Variants in CFDP1 observed in about 807,000 individuals in gnomAD.
CFDP1 encodes heterochromatin-stabilizing protein CFDP1.
CFDP1 carries 31 observed loss-of-function variants against 40.1 expected under a neutral mutation model. That is an observed-to-expected ratio of 0.77 (90% CI 0.58 to 1.04). The LOEUF (loss-of-function observed/expected upper bound fraction) is 1.04. Among genes scored for constraint, CFDP1 ranks in the 50% least tolerant of loss-of-function variants. The pLI is 0.00. For missense variants in CFDP1, 423 were observed against 343.4 expected, an observed-to-expected ratio of 1.23 and a Z score of -1.83; for synonymous variants, 167 against 120.0, an observed-to-expected ratio of 1.39 and a Z score of -2.56.
intron 5 of CFDP1, among the ~76,000 whole-genome samples, chr16:75,371,464 TA>T (rs1245591657): frequency 6.6e-6 from 1 of 152,200 alleles, no homozygotes; most frequent in South Asian, 2.1e-4. Flanking sequence ...GGGGCGAGGT[TA>T]AAAAAACTGA....
At chr16:75,359,330 G>A (rs540608855) in intron 5 of CFDP1, among the ~76,000 whole-genome samples, 52 of 152,282 alleles carry the variant, frequency 3.4e-4, no homozygotes, top group African/African-American at 1.2e-3. Context: ...CTGAGTCAGA[G>A]TAACATGCAC....
chr16:75,412,034 G>C, intron 3 of CFDP1, 82 bp from the exon 4 acceptor site: 4 of 1,397,902 alleles, frequency 2.9e-6, no homozygotes, highest in Non-Finnish European at 3.8e-6. Context: ...TTTTTTCTTT[G>C]AGATAGCGTC....
At chr16:75,418,377 C>T (rs1181003411) in intron 1 of CFDP1, among the ~76,000 whole-genome samples, 1 of 143,088 alleles carries the variant, frequency 7.0e-6, no homozygotes, top group East Asian at 2.4e-4. Flanking sequence ...ACGATCTCGG[C>T]TCACTGCAAG....
At chr16:75,397,045 C>T (rs1271166233) in intron 4 of CFDP1, among the ~76,000 whole-genome samples, 2 of 152,054 alleles carry the variant, frequency 1.3e-5, no homozygotes, top group Non-Finnish European at 2.9e-5. Context: ...TCCCAAGCAG[C>T]TGGGACTACG....
chr16:75,427,100 A>C (rs570384829), intron 1 of CFDP1, among the ~76,000 whole-genome samples: 1 of 152,034 alleles, frequency 6.6e-6, no homozygotes, highest in Admixed American at 6.6e-5. Context: ...TATCCAGAAT[A>C]TATAATTCCA....
intron 4 of CFDP1, among the ~76,000 whole-genome samples, chr16:75,411,105 C>T (rs1335184695): frequency 1.3e-5 from 2 of 151,978 alleles, no homozygotes; most frequent in Non-Finnish European, 2.9e-5. Flanking sequence ...GCAATCCCAT[C>T]TACTTGGGAG....
chr16:75,322,425 T>C (rs1460569821), intron 5 of CFDP1, among the ~76,000 whole-genome samples: 2 of 152,130 alleles, frequency 1.3e-5, no homozygotes, highest in African/African-American at 4.8e-5. Context: ...CATCACAGAG[T>C]GTACTTACAC....
chr16:75,293,794 C>T lies in CFDP1; in HGVS notation c.*158G>A. 6.7e-6 allele frequency: 4 copies of T among 597,080 alleles called. No homozygotes were observed. Among genetic ancestry groups the T allele is most frequent in the Non-Finnish European group, 1.2e-5 (4 of 342,720 alleles). The allele number at this position is 597,080 out of a possible 1,614,324, so 37.0% of individuals were successfully genotyped here. Reference sequence around the variant, plus strand: ...ATTTTTAAAAGTAAAGTGAATGAAACCATTTGTGATTAAGATACATAGACA... The same window carrying T: ...ATTTTTAAAAGTAAAGTGAATGAAATCATTTGTGATTAAGATACATAGACA... On this transcript the variant is annotated 3_prime_UTR_variant, in exon 7 of 7. Transcript: ENST00000283882.
chr16:75,333,759 A>C (rs184151655), intron 5 of CFDP1, among the ~76,000 whole-genome samples: 254 of 152,358 alleles, frequency 1.7e-3, no homozygotes, highest in Non-Finnish European at 2.8e-3. Flanking sequence ...ACTGTCATCA[A>C]ACCAGAAAGT....
rs141227887 is a variant in CFDP1 at position 75,349,367 on chromosome 16, G to A, written c.651-44185C>T. Among the ~76,000 whole-genome samples, 950 of 151,402 alleles carry A rather than the reference G, an allele frequency of 6.3e-3. 14 individuals are homozygous for A. The highest frequency in any genetic ancestry group is 0.021 in the African/African-American group (879 of 41,254). On this transcript the variant is annotated intron_variant, in intron 5 of 6. Transcript: ENST00000283882. ...TCCACTAAAAATAGAAAAATTAGCC[G>A]GGCGTGGTGGCGGGCGACTGTAATC... is the stretch of plus-strand genomic sequence containing the variant.
chr16:75,412,137 G>C (rs895803040), intron 3 of CFDP1, among the ~76,000 whole-genome samples, 185 bp from the exon 4 acceptor site: 7 of 152,122 alleles, frequency 4.6e-5, no homozygotes, highest in African/African-American at 1.7e-4. Context: ...CCTTGCTTCA[G>C]CGTCCAAAGT....
intron 5 of CFDP1, among the ~76,000 whole-genome samples, chr16:75,375,517 C>G (rs766783170): frequency 6.6e-6 from 1 of 152,058 alleles, no homozygotes; most frequent in Non-Finnish European, 1.5e-5. Flanking sequence ...CAAGGCTGGG[C>G]GCGGTGGCTC....
intron 4 of CFDP1, among the ~76,000 whole-genome samples, chr16:75,408,738 G>T (rs1340680260): frequency 6.6e-6 from 1 of 151,742 alleles, no homozygotes; most frequent in African/African-American, 2.4e-5. Flanking sequence ...TCATGCCACT[G>T]TACTCTAGCC....
chr16:75,400,785 T>A (rs2079045210), intron 4 of CFDP1, among the ~76,000 whole-genome samples: 1 of 152,252 alleles, frequency 6.6e-6, no homozygotes, highest in Non-Finnish European at 1.5e-5. Context: ...CATATTGGAC[T>A]TTATACCAGT....
chr16:75,303,428 T>TATGTATGTATGTATGTATG, intron 6 of CFDP1, among the ~76,000 whole-genome samples: 1 of 151,636 alleles, frequency 6.6e-6, no homozygotes, highest in Non-Finnish European at 1.5e-5. Context: ...TGTATGTATG[T>TATGTATGTATGTATGTATG]TTAGGGAAAA....
chr16:75,402,212 G>A (rs2079061800), intron 4 of CFDP1, among the ~76,000 whole-genome samples: 1 of 152,122 alleles, frequency 6.6e-6, no homozygotes, highest in Non-Finnish European at 1.5e-5. Flanking sequence ...CACCTCTAAC[G>A]CACAAGAGGG....
intron 6 of CFDP1, among the ~76,000 whole-genome samples, chr16:75,304,447 C>T (rs1396766464): frequency 1.3e-5 from 2 of 152,138 alleles, no homozygotes; most frequent in Admixed American, 6.5e-5. Flanking sequence ...CAACTGAATA[C>T]GTAGGTTATG....
At chr16:75,328,879 T>C (rs1378371212) in intron 5 of CFDP1, among the ~76,000 whole-genome samples, 1 of 134,882 alleles carries the variant, frequency 7.4e-6, no homozygotes, top group Non-Finnish European at 1.6e-5. Context: ...GGAGTTTTGC[T>C]CTTGTTGCCC....
chr16:75,418,561 G>C (rs987845254), intron 1 of CFDP1, among the ~76,000 whole-genome samples: 1 of 151,834 alleles, frequency 6.6e-6, no homozygotes, highest in Non-Finnish European at 1.5e-5. Flanking sequence ...CGCCGACCTC[G>C]GCCTCCCAAA....
Sources: allele counts gnomAD v4.1 joint callset (sites outside exome capture counted in the v4.1 genomes callset), GRCh38; gene constraint gnomAD v4.1.1; transcripts MANE v1.5; gene names NCBI Gene and HGNC (gene_info 2026-07-23, HGNC 2026-07-21).